The following PARP6 variants were observed in gnomAD, a reference collection of about 807,000 sequenced individuals.
PARP6 encodes the protein protein mono-ADP-ribosyltransferase PARP6.
In PARP6, 27 loss-of-function variants were observed where a neutral mutation model predicts 92.0. The ratio of observed to expected loss-of-function variants is 0.29; its 90% CI spans 0.22 to 0.40. The LOEUF is 0.40. Among genes scored for constraint, PARP6 ranks in the 10% least tolerant of loss-of-function variants. The pLI, the probability that PARP6 is intolerant of heterozygous loss-of-function variation, is 1.00. For missense variants in PARP6, 501 were observed against 784.5 expected, an observed-to-expected ratio of 0.64 and a Z score of 4.32; for synonymous variants, 272 against 281.2, an observed-to-expected ratio of 0.97 and a Z score of 0.33.
intron 16 of PARP6, among the ~76,000 whole-genome samples, chr15:72,252,568 C>A (rs887440568): frequency 2.6e-5 from 4 of 152,064 alleles, no homozygotes; most frequent in African/African-American, 9.7e-5. Flanking sequence ...TCACGGCAAC[C>A]TCCGCCTCCC....
At chr15:72,272,239 TC>T (rs1352391814) in intron 1 of PARP6, 153 bp downstream of exon 1, 1 of 152,238 alleles carries the variant, frequency 6.6e-6, no homozygotes, top group African/African-American at 2.4e-5. Context: ...ACACCTGTTC[TC>T]CGGGGCTCCC....
chr15:72,267,486 T>G lies in PARP6; in HGVS notation c.-9A>C. 6.2e-7 allele frequency: 1 copy of G among 1,613,900 alleles called. No individual in the cohort carries two copies. Among genetic ancestry groups the G allele is most frequent in the Non-Finnish European group, 8.5e-7 (1 of 1,179,866 alleles). On this transcript the variant is annotated 5_prime_UTR_variant, in exon 3 of 24. Transcript: ENST00000569795. ...CAGTCAGTTCTCACCATTGGGTCAGTGGGTCACACACACTCTCAGGTCAGT... is the reference window on the plus strand; with the variant it reads ...CAGTCAGTTCTCACCATTGGGTCAGGGGGTCACACACACTCTCAGGTCAGT...
chr15:72,258,151 C>G lies in PARP6; in HGVS notation c.811-19G>C. 4.4e-6 allele frequency: 7 copies of G among 1,575,076 alleles called. No individual in the cohort carries two copies. Among genetic ancestry groups the G allele is most frequent in the Non-Finnish European group, 6.1e-6 (7 of 1,144,382 alleles). On this transcript the variant is annotated intron_variant, in intron 11 of 23. Transcript: ENST00000569795. The stretch of plus-strand genomic sequence containing the variant: ...TCATGATCTGAGAAAACAACAGATT[C>G]TAAGTCTTTTGGAAGTACTGGCACA...
intron 12 of PARP6, 59 bp from the exon 13 acceptor site, chr15:72,257,499 G>A: frequency 7.4e-7 from 1 of 1,354,884 alleles, no homozygotes; most frequent in Non-Finnish European, 1.1e-6. Context: ...GGTGTAGGCA[G>A]AGAGGGACAG....
At chr15:72,268,331 CA>C (rs891382530) in intron 2 of PARP6, among the ~76,000 whole-genome samples, 1 of 152,218 alleles carries the variant, frequency 6.6e-6, no homozygotes. Flanking sequence ...CAACTCACAC[CA>C]GAGTTAAGAT....
intron 10 of PARP6, 124 bp from the exon 11 acceptor site, chr15:72,259,785 G>T (rs2085617893): frequency 1.3e-6 from 1 of 791,348 alleles, no homozygotes; most frequent in Non-Finnish European, 2.1e-6. Flanking sequence ...GAATCCCGAA[G>T]CTAGAAAGGA....
chr15:72,252,240 C>A (rs2084457778), intron 16 of PARP6, among the ~76,000 whole-genome samples: 1 of 152,158 alleles, frequency 6.6e-6, no homozygotes, highest in Admixed American at 6.5e-5. Context: ...AGACAGACGT[C>A]TCTGGATGCA....
At chr15:72,248,516 A>T (rs1425224891) in intron 20 of PARP6, among the ~76,000 whole-genome samples, 1 of 152,182 alleles carries the variant, frequency 6.6e-6, no homozygotes, top group Non-Finnish European at 1.5e-5. Flanking sequence ...TTACTACAGG[A>T]TATCAAGTAA....
At chr15:72,246,384 G>A (rs1038862225) in intron 20 of PARP6, among the ~76,000 whole-genome samples, 5 of 151,976 alleles carry the variant, frequency 3.3e-5, no homozygotes, top group African/African-American at 9.7e-5. Context: ...TCCCAACCTC[G>A]TGATCCACCT....
At chr15:72,243,553 A>C (rs555250232) in intron 20 of PARP6, 4 of 152,330 alleles carry the variant, frequency 2.6e-5, no homozygotes, top group African/African-American at 9.6e-5. Flanking sequence ...CACATTATCT[A>C]AATCCATAAA....
chr15:72,265,892 C>A lies in PARP6; in HGVS notation c.176+5G>T. On this transcript the variant is annotated splice_donor_5th_base_variant and intron_variant, in intron 5 of 23. Coordinates refer to ENST00000569795, the MANE Select transcript of PARP6 (RefSeq NM_001323532.2). ...TCCCCTGCCACCCCTGAAGTAGAGTCCCACCTGATGGATACAGAGTTCTCA... is the reference window on the plus strand; with the variant it reads ...TCCCCTGCCACCCCTGAAGTAGAGTACCACCTGATGGATACAGAGTTCTCA... 6.2e-7 allele frequency: 1 copy of A among 1,600,700 alleles called. No homozygotes were observed. The highest frequency in any genetic ancestry group is 8.6e-7 in the Non-Finnish European group (1 of 1,167,826).
rs1171243443 is a variant in PARP6, at chr15:72,265,994, G to A, written c.82-3C>T. The A allele has an allele frequency of 2.5e-6, 4 of 1,603,664 alleles. No individual in the cohort carries two copies. The highest frequency in any genetic ancestry group is 1.7e-5 in the Admixed American group (1 of 59,966). On this transcript the variant is annotated splice_region_variant and splice_polypyrimidine_tract_variant and intron_variant, in intron 4 of 23. Coordinates refer to ENST00000569795, the MANE Select transcript of PARP6 (RefSeq NM_001323532.2). ...TACAGGTCAGCTGCACAGCTCCCCTGAGATAGCAGCAAAAATGGTGGTGGA... is the reference window on the plus strand; with the variant it reads ...TACAGGTCAGCTGCACAGCTCCCCTAAGATAGCAGCAAAAATGGTGGTGGA...
intron 20 of PARP6, among the ~76,000 whole-genome samples, chr15:72,246,983 C>A (rs1010016970): frequency 4.6e-5 from 7 of 152,130 alleles, no homozygotes; most frequent in Non-Finnish European, 1.0e-4. Context: ...GTCTCAAACT[C>A]CCAACCTCAG....
At position 72,241,288 on chromosome 15, in the gene PARP6, T is replaced by C; in HGVS notation, c.*167A>G. On this transcript the variant is annotated 3_prime_UTR_variant, in exon 24 of 24. Coordinates refer to ENST00000569795, the MANE Select transcript of PARP6 (RefSeq NM_001323532.2). This position sits in a 1 kb window ranked among gnomAD's most constrained non-coding sequence, Gnocchi z 4.1. ...CTGGGCCATCCGAATGTGGAGTAGT[T>C]CTTGGGTCAAGCTCTACCATGAAGG... 1 of 699,450 alleles carries C rather than the reference T, an allele frequency of 1.4e-6. No homozygotes were observed. The highest frequency in any genetic ancestry group is 2.6e-6 in the Non-Finnish European group (1 of 381,940). The allele number at this position is 699,450 out of a possible 1,614,324, so 43.3% of individuals were successfully genotyped here.
intron 8 of PARP6, among the ~76,000 whole-genome samples, chr15:72,262,821 C>T (rs2086077350): frequency 6.6e-6 from 1 of 152,198 alleles, no homozygotes; most frequent in Non-Finnish European, 1.5e-5. Context: ...AGTGTTTCTT[C>T]TTCCTCTGCC....
chr15:72,251,080 C>A, intron 17 of PARP6, 126 bp from the exon 18 acceptor site: 1 of 986,788 alleles, frequency 1.0e-6, no homozygotes, highest in Non-Finnish European at 1.6e-6. Flanking sequence ...TATGCTAAGG[C>A]CCAAAGACTA....
At position 72,242,616 on chromosome 15, in the gene PARP6, A is replaced by G. The variant is rs200410896; in HGVS notation, c.1641+4T>C. 4.4e-6 allele frequency: 7 copies of G among 1,589,486 alleles called. No homozygotes were observed. The highest frequency in any genetic ancestry group is 1.3e-5 in the African/African-American group (1 of 74,488). ...GTCCTGCCTCATTAGAATAGTTCCAATACCTGGGGGATGGTATTCATCCTG... is the reference window on the plus strand; with the variant it reads ...GTCCTGCCTCATTAGAATAGTTCCAGTACCTGGGGGATGGTATTCATCCTG... On this transcript the variant is annotated splice_donor_region_variant and intron_variant, in intron 21 of 23. Transcript: ENST00000569795. This position sits in a 1 kb window ranked among gnomAD's most constrained non-coding sequence, Gnocchi z 4.3.
intron 10 of PARP6, among the ~76,000 whole-genome samples, chr15:72,260,274 C>G (rs950616000): frequency 2.0e-5 from 3 of 152,176 alleles, no homozygotes; most frequent in Non-Finnish European, 4.4e-5. Flanking sequence ...CAGAGATCGC[C>G]ACTGCCCTCC....
chr15:72,251,042 G>A (rs1391633000), intron 17 of PARP6, 88 bp from the exon 18 acceptor site: 3 of 1,080,398 alleles, frequency 2.8e-6, no homozygotes, highest in Non-Finnish European at 4.2e-6. Flanking sequence ...GAAAAAATCA[G>A]GCTTGCATTA....
Sources: gnomAD v4.1 joint callset for allele counts (sites outside exome capture counted in the v4.1 genomes callset) on GRCh38, gnomAD v4.1.1 for gene constraint, Gnocchi (gnomAD v3.1) non-coding constraint, MANE v1.5 for transcripts, NCBI Gene and HGNC (gene_info 2026-07-23, HGNC 2026-07-21) for gene names.